The following NBAS variants were observed in gnomAD, a reference collection of about 807,000 sequenced individuals.
NBAS encodes the protein NAG/BC035112 fusion.
Under a neutral mutation model 302.5 loss-of-function variants are expected in NBAS, and 219 were observed. The observed-to-expected ratio is 0.72, with a 90% CI of 0.65 to 0.81. The LOEUF (loss-of-function observed/expected upper bound fraction) is 0.81, where lower values mean the gene tolerates loss of function less well. Ranked by LOEUF, NBAS falls within the 30% of genes least tolerant of loss-of-function variation. The pLI is 0.00. For missense variants in NBAS, 2,932 were observed against 2,841.6 expected (o/e 1.03, Z -0.72); for synonymous variants, 1,118 against 1,021.6 (o/e 1.09, Z -1.80).
the NBAS span, among the ~76,000 whole-genome samples, chr2:14,913,401 A>G: frequency 1.3e-5 from 2 of 152,176 alleles, no homozygotes; most frequent in Non-Finnish European, 2.9e-5. Context: ...TAGCGAAGGA[A>G]AGGGCCTTGA....
chr2:15,554,926 A>G (rs1260115547), intron 3 of NBAS, among the ~76,000 whole-genome samples: 1 of 152,156 alleles, frequency 6.6e-6, no homozygotes, highest in Non-Finnish European at 1.5e-5. Context: ...ACCATTCACA[A>G]AAGACACGAA....
chr2:15,366,613 G>A lies in NBAS; in HGVS notation c.3784C>T (p.Leu1262Phe), dbSNP rs780593223. ...SPTCYKQSTK[L>F]LGLAELLRVA... The stretch of plus-strand genomic sequence containing the variant: ...CTCAGCAGCTCAGCAAGGCCCAGAA[G>A]CTTGGTGGATTGTTTATAGCATGTG... Residue 1262 changes from leucine to phenylalanine, a missense_variant, in exon 32 of 52, where the codon CTT (leucine) becomes TTT (phenylalanine). Transcript: ENST00000281513. 1 of 1,614,088 alleles carries A rather than the reference G, an allele frequency of 6.2e-7. No homozygotes were observed. Among genetic ancestry groups the A allele is most frequent in the South Asian group, 1.1e-5 (1 of 91,074 alleles).
chr2:15,219,103 T>G (rs1323927520), intron 47 of NBAS, 135 bp from the exon 48 acceptor site: 5 of 1,092,314 alleles, frequency 4.6e-6, no homozygotes, highest in Non-Finnish European at 6.6e-6. Context: ...AAGGAAAAAT[T>G]TTGGTTTTTA....
chr2:15,234,362 A>G (rs1041871638), intron 46 of NBAS, among the ~76,000 whole-genome samples, 183 bp downstream of exon 46: 1 of 152,240 alleles, frequency 6.6e-6, no homozygotes, highest in African/African-American at 2.4e-5. Context: ...AATACCAACA[A>G]TGAAACATTT....
rs879167404 is a variant in NBAS, at chr2:15,558,467, T to C, written c.172+113A>G. The C allele has an allele frequency of 2.2e-4, 155 of 715,582 alleles. 1 individual carries two copies. The highest frequency in any genetic ancestry group is 5.9e-4 in the South Asian group (33 of 55,932). 44.3% of individuals were successfully genotyped at this position (715,582 alleles called of 1,614,324 possible). On this transcript the variant is annotated intron_variant, in intron 2 of 51. Transcript: ENST00000281513. The stretch of plus-strand genomic sequence containing the variant: ...ATGTGTGTATATATAAATATATATA[T>C]AATTAAACTCAGATAACACACATTA...
the NBAS span, among the ~76,000 whole-genome samples, chr2:14,821,173 GC>G: frequency 6.6e-6 from 1 of 152,038 alleles, no homozygotes; most frequent in Admixed American, 6.5e-5. Flanking sequence ...TGATCCGCCC[GC>G]CTCGCCTCCC....
intron 32 of NBAS, 89 bp downstream of exon 32, chr2:15,366,491 C>T: frequency 1.6e-6 from 2 of 1,268,800 alleles, no homozygotes; most frequent in African/African-American, 1.5e-5. Context: ...TCTTCTGACG[C>T]TGTAAGCACA....
chr2:15,350,085 T>C (rs56194546), intron 35 of NBAS, among the ~76,000 whole-genome samples: 86 of 152,266 alleles, frequency 5.6e-4, no homozygotes, highest in Non-Finnish European at 1.0e-3. Flanking sequence ...AGATCCATGT[T>C]CACCAAATTA....
chr2:15,517,836 G>A (rs73202730), intron 9 of NBAS, among the ~76,000 whole-genome samples: 9,844 of 152,164 alleles, frequency 0.065, 1,003 homozygotes, highest in African/African-American at 0.22. Context: ...TAGACTGGGA[G>A]GTTCAGTTCG....
chr2:15,318,228 C>G (rs184321324), intron 38 of NBAS, among the ~76,000 whole-genome samples: 1 of 152,300 alleles, frequency 6.6e-6, no homozygotes, highest in East Asian at 1.9e-4. Flanking sequence ...GCCTGCCTTA[C>G]AAGAGCTCCT....
At chr2:15,299,982 T>C (rs1670721592) in intron 40 of NBAS, among the ~76,000 whole-genome samples, 2 of 152,194 alleles carry the variant, frequency 1.3e-5, no homozygotes. Context: ...GAGAAAATTC[T>C]CTCAGACTGA....
chr2:15,448,024 T>TAAG (rs1678832735), intron 21 of NBAS, among the ~76,000 whole-genome samples: 3 of 152,112 alleles, frequency 2.0e-5, no homozygotes, highest in African/African-American at 7.2e-5. Context: ...AGCACTCCTT[T>TAAG]CTCTCTCAAG....
intron 35 of NBAS, among the ~76,000 whole-genome samples, chr2:15,338,340 C>T (rs1471455963): frequency 6.6e-6 from 1 of 152,126 alleles, no homozygotes; most frequent in Non-Finnish European, 1.5e-5. Flanking sequence ...CCAACATAGC[C>T]TTAAATAACC....
the NBAS span, among the ~76,000 whole-genome samples, chr2:14,920,226 A>G: frequency 1.3e-5 from 2 of 152,188 alleles, no homozygotes; most frequent in Non-Finnish European, 2.9e-5. Flanking sequence ...TACATTGTCA[A>G]TGAGCAGTAA....
intron 10 of NBAS, among the ~76,000 whole-genome samples, chr2:15,510,620 T>C (rs1662092740): frequency 6.6e-6 from 1 of 152,246 alleles, no homozygotes; most frequent in Non-Finnish European, 1.5e-5. Flanking sequence ...ACCTAGCCTA[T>C]GCTGACTACT....
At chr2:14,929,635 C>T in the NBAS span, among the ~76,000 whole-genome samples, 1 of 152,180 alleles carries the variant, frequency 6.6e-6, no homozygotes, top group African/African-American at 2.4e-5. Flanking sequence ...GCCTTGGCCT[C>T]CCAAAGTGCT....
At chr2:15,250,713 C>T (rs1238675286) in intron 44 of NBAS, among the ~76,000 whole-genome samples, 2 of 152,192 alleles carry the variant, frequency 1.3e-5, no homozygotes, top group Non-Finnish European at 2.9e-5. Flanking sequence ...GAAAAAAGCT[C>T]ATCATCACTG....
the NBAS span, among the ~76,000 whole-genome samples, chr2:14,831,302 G>A: frequency 6.6e-6 from 1 of 151,970 alleles, no homozygotes; most frequent in African/African-American, 2.4e-5. Flanking sequence ...GAAACTTCCT[G>A]TTTTAAGTAA....
At chr2:15,220,119 C>T (rs1256503225) in intron 47 of NBAS, among the ~76,000 whole-genome samples, 1 of 147,284 alleles carries the variant, frequency 6.8e-6, no homozygotes, top group Non-Finnish European at 1.5e-5. Context: ...GGCGGCTGGC[C>T]GGGCGGGGGG....
Sources: gnomAD v4.1 joint callset for allele counts (sites outside exome capture counted in the v4.1 genomes callset) on GRCh38, gnomAD v4.1.1 for gene constraint, MANE v1.5 for transcripts, NCBI Gene and HGNC (gene_info 2026-07-23, HGNC 2026-07-21) for gene names.